DAPK2: variants seen among roughly 807,000 people sequenced by gnomAD.
DAPK2 encodes the protein death-associated protein kinase 2.
Under a neutral mutation model 44.1 loss-of-function variants are expected in DAPK2, and 35 were observed. The ratio of observed to expected loss-of-function variants is 0.79; its 90% CI spans 0.61 to 1.05. The LOEUF is 1.05. DAPK2 is among the 50% of genes least tolerant of loss of function. The pLI is 0.00. For missense variants in DAPK2, 453 were observed against 483.2 expected (o/e 0.94, Z 0.59); for synonymous variants, 174 against 182.6 (o/e 0.95, Z 0.38).
In DAPK2 at chr15:64,013,547, AAGT is replaced by A. The variant is rs1388146874; in HGVS notation, c.92+26620_92+26622del. ...TGAGGAGAAGGGGCAAGAACTTTAA[AAGT>A]AGAAAAACCTAAGGGCTAGAAAGGC... On this transcript the variant is annotated intron_variant, in intron 1 of 10. Coordinates refer to ENST00000261891, the Ensembl canonical transcript of DAPK2. The surrounding 1 kb of genome is among the most constrained non-coding windows in gnomAD (Gnocchi z 4.7). Among the ~76,000 whole-genome samples, 1 of 152,166 alleles carries A rather than the reference AAGT, an allele frequency of 6.6e-6. No homozygotes were observed. Among genetic ancestry groups the A allele is most frequent in the Non-Finnish European group, 1.5e-5 (1 of 68,034 alleles).
intron 1 of DAPK2, among the ~76,000 whole-genome samples, chr15:64,000,645 G>A (rs1384691226): frequency 6.6e-6 from 1 of 152,156 alleles, no homozygotes; most frequent in Non-Finnish European, 1.5e-5. Flanking sequence ...TCAATGTAAT[G>A]GAAGAAGGCA....
rs1404834358 is a variant in DAPK2 at position 63,917,072 on chromosome 15, G to A, written c.859-4875C>T. On this transcript the variant is annotated intron_variant, in intron 8 of 10. Transcript: ENST00000261891. The surrounding 1 kb of genome is among the most constrained non-coding windows in gnomAD (Gnocchi z 4.4). ...TAATGGCATGGGGTTGTATTAAAAA[G>A]AAAGTCCTGGCTGGGTGCGGTGGCT... 2 of 152,230 alleles carry A rather than the reference G, an allele frequency of 1.3e-5. No individual in the cohort carries two copies. Among genetic ancestry groups the A allele is most frequent in the Non-Finnish European group, 2.9e-5 (2 of 68,050 alleles). 9.4% of individuals were successfully genotyped at this position (152,230 alleles called of 1,614,324 possible). A position where few individuals can be genotyped will look rare whatever the true frequency, so the allele number is the denominator to read the frequency against.
chr15:63,987,593 CCTAAT>C lies in DAPK2; in HGVS notation c.93-3844_93-3840del, dbSNP rs573455902. Among the ~76,000 whole-genome samples, 965 of 152,294 alleles carry C rather than the reference CCTAAT, an allele frequency of 6.3e-3. 8 individuals are homozygous for C. Among genetic ancestry groups the C allele is most frequent in the Non-Finnish European group, 9.2e-3 (625 of 68,020 alleles). ...GCTGGTAGGAGGCCCGATTCCTCGTCCTAATCTGCTATCAAAGTTTCATGGGCTTG... is the reference window on the plus strand; with the variant it reads ...GCTGGTAGGAGGCCCGATTCCTCGTCCTGCTATCAAAGTTTCATGGGCTTG... On this transcript the variant is annotated intron_variant, in intron 1 of 10. Transcript: ENST00000261891.
intron 1 of DAPK2, among the ~76,000 whole-genome samples, chr15:64,033,286 GGGGAAGGAAGGAAGGA>G (rs2080076800): frequency 4.1e-4 from 40 of 97,882 alleles, no homozygotes; most frequent in East Asian, 1.3e-3. Context: ...AAGGGGGAAG[GGGGAAGGAAGGAAGGA>G]AGGAAGGAAG....
chr15:63,960,513 C>G (rs1315236669), intron 3 of DAPK2, among the ~76,000 whole-genome samples: 1 of 152,154 alleles, frequency 6.6e-6, no homozygotes, highest in African/African-American at 2.4e-5. Context: ...CCTCTACACA[C>G]TGCTTTAAAT....
intron 2 of DAPK2, among the ~76,000 whole-genome samples, chr15:63,973,274 T>A (rs1188460336): frequency 6.6e-6 from 1 of 152,226 alleles, no homozygotes; most frequent in African/African-American, 2.4e-5. Flanking sequence ...CTTAGAGAGC[T>A]GGTGGGCCCC....
chr15:63,943,027 A>T (rs1013447914), intron 3 of DAPK2, among the ~76,000 whole-genome samples: 1 of 151,856 alleles, frequency 6.6e-6, no homozygotes. Flanking sequence ...AATATACAGG[A>T]CCCAGTGCTA....
chr15:63,973,232 G>A (rs2078260282), intron 2 of DAPK2, among the ~76,000 whole-genome samples: 1 of 152,354 alleles, frequency 6.6e-6, no homozygotes, highest in Non-Finnish European at 1.5e-5. Flanking sequence ...TGGTGGGTGT[G>A]TGGCTGCTTT....
At chr15:63,957,265 A>G (rs1188048397) in intron 3 of DAPK2, among the ~76,000 whole-genome samples, 1 of 152,138 alleles carries the variant, frequency 6.6e-6, no homozygotes, top group Non-Finnish European at 1.5e-5. Context: ...ATTGGCCTGG[A>G]AAATCTTTTT....
chr15:63,924,228 C>T (rs780166014), intron 8 of DAPK2, among the ~76,000 whole-genome samples: 1 of 152,214 alleles, frequency 6.6e-6, no homozygotes, highest in Non-Finnish European at 1.5e-5. Context: ...GGAAGCCCGA[C>T]TGCAAGGCGA....
chr15:64,041,442 C>T (rs2080351581), upstream of DAPK2, among the ~76,000 whole-genome samples: 1 of 152,238 alleles, frequency 6.6e-6, no homozygotes, highest in African/African-American at 2.4e-5. Context: ...CCTGGGATCC[C>T]TCTGCCCCAA....
At chr15:63,956,043 T>C (rs1275374671) in intron 3 of DAPK2, among the ~76,000 whole-genome samples, 1 of 152,224 alleles carries the variant, frequency 6.6e-6, no homozygotes, top group Admixed American at 6.5e-5. Context: ...TGTCTAGAAA[T>C]GTATCCATTT....
At chr15:63,997,522 G>A (rs539787567) in intron 1 of DAPK2, among the ~76,000 whole-genome samples, 1 of 152,254 alleles carries the variant, frequency 6.6e-6, no homozygotes, top group South Asian at 2.1e-4. Flanking sequence ...GTAGACATGC[G>A]GTTTCACAAT....
At chr15:63,992,551 G>A (rs2078847743) in intron 1 of DAPK2, among the ~76,000 whole-genome samples, 1 of 152,196 alleles carries the variant, frequency 6.6e-6, no homozygotes, top group Non-Finnish European at 1.5e-5. Context: ...GCCTGGGCAT[G>A]AAAGAACTAT....
At chr15:63,937,631 CT>C (rs2077200131) in intron 4 of DAPK2, among the ~76,000 whole-genome samples, 1 of 152,198 alleles carries the variant, frequency 6.6e-6, no homozygotes, top group Non-Finnish European at 1.5e-5. Context: ...TTTCCTCTCA[CT>C]CACTCAAGGC....
chr15:63,929,637 G>A, intron 5 of DAPK2, 60 bp from the exon 7 acceptor site: 2 of 1,607,120 alleles, frequency 1.2e-6, no homozygotes, highest in Non-Finnish European at 1.7e-6. Context: ...ACCAGCAAGG[G>A]ACACCCTCAT....
Position 64,013,404 on chromosome 15 carries a change from C to T in DAPK2, c.92+26766G>A, listed in dbSNP as rs781103079. Among the ~76,000 whole-genome samples the T allele has an allele frequency of 4.6e-5, 7 of 152,190 alleles. No homozygotes were observed. Among genetic ancestry groups the T allele is most frequent in the East Asian group, 3.8e-4 (2 of 5,200 alleles). The stretch of plus-strand genomic sequence containing the variant: ...GGAACTAACAGCTTAAACTACACTA[C>T]GTGCCTTTAAGACTTAGTAATTGGG... On this transcript the variant is annotated intron_variant, in intron 1 of 10. Transcript: ENST00000261891. The surrounding 1 kb of genome is among the most constrained non-coding windows in gnomAD (Gnocchi z 4.7).
chr15:63,930,792 C>A (rs1196044314), intron 4 of DAPK2, among the ~76,000 whole-genome samples: 1 of 152,186 alleles, frequency 6.6e-6, no homozygotes, highest in Middle Eastern at 3.2e-3. Context: ...GCTGTGGTGG[C>A]TCACACCTAT....
chr15:64,046,391 AACGGGGGACGCGGCGGGGT>A, upstream of DAPK2: 3 of 221,706 alleles, frequency 1.4e-5, no homozygotes, highest in South Asian at 2.4e-4. This position sits in a 1 kb window ranked among gnomAD's most constrained non-coding sequence, Gnocchi z 5.3. Context: ...GCGCGGCGGG[AACGGGGGACGCGGCGGGGT>A]GCGCTGGGCT....
Sources: gnomAD v4.1 joint callset for allele counts (sites outside exome capture counted in the v4.1 genomes callset) on GRCh38, gnomAD v4.1.1 for gene constraint, Gnocchi (gnomAD v3.1) non-coding constraint, MANE v1.5 for transcripts, NCBI Gene and HGNC (gene_info 2026-07-23, HGNC 2026-07-21) for gene names.